PRCP: variants seen among roughly 807,000 people sequenced by gnomAD.
PRCP encodes the protein prolylcarboxypeptidase, also known as lysosomal Pro-X carboxypeptidase.
Under a neutral mutation model 54.2 loss-of-function variants are expected in PRCP, and 46 were observed. That is an observed-to-expected ratio of 0.85 (90% CI 0.67 to 1.09). PRCP has a LOEUF of 1.09. Among genes scored for constraint, PRCP ranks in the 50% least tolerant of loss-of-function variants. PRCP has a pLI of 0.00. For synonymous variants in PRCP, 240 were observed against 212.2 expected (o/e 1.13, Z -1.14); for missense variants, 613 against 596.8 (o/e 1.03, Z -0.28).
intron 6 of PRCP, among the ~76,000 whole-genome samples, chr11:82,847,379 T>C (rs1455663437): frequency 2.0e-5 from 3 of 152,206 alleles, no homozygotes; most frequent in Non-Finnish European, 4.4e-5. Context: ...AAATCCTACT[T>C]CTACCACCTC....
chr11:82,836,864 G>T, intron 8 of PRCP: 2 of 387,470 alleles, frequency 5.2e-6, no homozygotes, highest in Non-Finnish European at 1.0e-5. Context: ...CATTTTTGTT[G>T]GCTGAATTGG....
At position 82,884,290 on chromosome 11, in the gene PRCP, G is replaced by T. The variant is rs56327949; in HGVS notation, c.168+15945C>A. ...AAATATCATTTGTGCTGGGCACAGT[G>T]GTTCAGGCCTGTAATCCCAGAACTT... On this transcript the variant is annotated intron_variant, in intron 1 of 8. Transcript: ENST00000313010. 7.2e-3 allele frequency among the ~76,000 whole-genome samples: 1,090 copies of T among 152,286 alleles called. 7 individuals carry two copies. Among genetic ancestry groups the T allele is most frequent in the Non-Finnish European group, 0.012 (820 of 68,028 alleles).
At chr11:82,875,846 C>A (rs1413143896) in intron 1 of PRCP, among the ~76,000 whole-genome samples, 1 of 152,170 alleles carries the variant, frequency 6.6e-6, no homozygotes, top group African/African-American at 2.4e-5. Context: ...TGGCACCCTG[C>A]TCACCTCTTT....
intron 1 of PRCP, among the ~76,000 whole-genome samples, chr11:82,868,535 G>T (rs1340044139): frequency 1.3e-5 from 2 of 152,170 alleles, no homozygotes; most frequent in Non-Finnish European, 2.9e-5. Flanking sequence ...CACCCTGCCT[G>T]AGGAAATTAC....
intron 1 of PRCP, among the ~76,000 whole-genome samples, chr11:82,868,704 G>A (rs907269400): frequency 3.9e-5 from 6 of 152,082 alleles, no homozygotes; most frequent in African/African-American, 9.7e-5. Flanking sequence ...GTTGTTTTAC[G>A]GCAAGAGGTT....
Position 82,859,969 on chromosome 11 carries a change from G to C in PRCP, c.309+8C>G. On this transcript the variant is annotated splice_region_variant and intron_variant, in intron 2 of 8. Coordinates refer to ENST00000313010, the MANE Select transcript of PRCP (RefSeq NM_005040.4). ...TTGAGCACTGGAATTTCATGAATCT[G>C]CACATACCGTGTTATTACAAAACCA... 6.4e-7 allele frequency: 1 copy of C among 1,569,606 alleles called. No homozygotes were observed.
chr11:82,827,912 T>C (rs1858280258), intron 8 of PRCP: 1 of 152,220 alleles, frequency 6.6e-6, no homozygotes, highest in Admixed American at 6.5e-5. Context: ...GAGATGTCTT[T>C]CCATTTAAAG....
At chr11:82,856,849 T>TCCTGGTTAA (rs1859097339) in intron 2 of PRCP, among the ~76,000 whole-genome samples, 5 of 151,626 alleles carry the variant, frequency 3.3e-5, no homozygotes, top group Admixed American at 3.3e-4. Flanking sequence ...GAGATCGAGA[T>TCCTGGTTAA]CACGGTGAAA....
intron 7 of PRCP, 47 bp downstream of exon 7, chr11:82,839,214 G>C: frequency 6.4e-7 from 1 of 1,574,660 alleles, no homozygotes; most frequent in Non-Finnish European, 8.6e-7. Flanking sequence ...CAGCACAACT[G>C]TGTCAGTGAA....
At chr11:82,845,537 T>C (rs1858787580) in intron 6 of PRCP, 1 of 152,218 alleles carries the variant, frequency 6.6e-6, no homozygotes, top group Non-Finnish European at 1.5e-5. Flanking sequence ...ATAATCACAT[T>C]AGTTTTGTCA....
At chr11:82,834,173 T>C (rs962311269) in intron 8 of PRCP, among the ~76,000 whole-genome samples, 1 of 152,178 alleles carries the variant, frequency 6.6e-6, no homozygotes, top group South Asian at 2.1e-4. Context: ...GCCAGCATCC[T>C]CATCTTGGGC....
At chr11:82,886,314 T>C (rs1173872881) in intron 1 of PRCP, among the ~76,000 whole-genome samples, 2 of 152,140 alleles carry the variant, frequency 1.3e-5, no homozygotes, top group African/African-American at 4.8e-5. Flanking sequence ...TGACAGGGTG[T>C]CATTCTGTCG....
chr11:82,826,778 G>A (rs1858246833), intron 8 of PRCP: 1 of 152,058 alleles, frequency 6.6e-6, no homozygotes, highest in Admixed American at 6.6e-5. Context: ...TCATATCTTT[G>A]TTCATTTTTT....
intron 1 of PRCP, among the ~76,000 whole-genome samples, chr11:82,864,741 T>A (rs1162105252): frequency 6.6e-6 from 1 of 152,214 alleles, no homozygotes; most frequent in Non-Finnish European, 1.5e-5. Context: ...TTTATAATTT[T>A]TTTTATGGCC....
At chr11:82,853,891 T>A (rs903332514) in intron 2 of PRCP, among the ~76,000 whole-genome samples, 1 of 151,976 alleles carries the variant, frequency 6.6e-6, no homozygotes, top group African/African-American at 2.4e-5. Flanking sequence ...TAAACAGAAC[T>A]AAAAAATAAA....
At chr11:82,882,083 A>G (rs1859759488) in intron 1 of PRCP, among the ~76,000 whole-genome samples, 1 of 152,202 alleles carries the variant, frequency 6.6e-6, no homozygotes, top group East Asian at 1.9e-4. Context: ...GGATCATCAC[A>G]AAGGTCTTTA....
chr11:82,825,177 T>C, intron 8 of PRCP, 55 bp from the exon 9 acceptor site: 1 of 1,470,014 alleles, frequency 6.8e-7, no homozygotes, highest in South Asian at 1.2e-5. Flanking sequence ...ATGTTAACAC[T>C]CAGATAAGCT....
At chr11:82,837,335 A>G (rs1858552487) in intron 8 of PRCP, 1 of 152,576 alleles carries the variant, frequency 6.6e-6, no homozygotes, top group Non-Finnish European at 1.5e-5. Context: ...AAAGCTGCCA[A>G]GTTCTTTGGT....
At chr11:82,842,271 G>A (rs1195522545) in intron 6 of PRCP, among the ~76,000 whole-genome samples, 6 of 152,162 alleles carry the variant, frequency 3.9e-5, no homozygotes, top group African/African-American at 1.2e-4. Context: ...GCTGGAGACC[G>A]GCACTGGCTG....
Sources: gnomAD v4.1 joint callset for allele counts (sites outside exome capture counted in the v4.1 genomes callset) on GRCh38, gnomAD v4.1.1 for gene constraint, MANE v1.5 for transcripts, NCBI Gene and HGNC (gene_info 2026-07-23, HGNC 2026-07-21) for gene names.